The following GALNT13 variants were observed in gnomAD, a reference collection of about 807,000 sequenced individuals.
The protein encoded by GALNT13 is polypeptide N-acetylgalactosaminyltransferase 13.
Under a neutral mutation model 64.2 loss-of-function variants are expected in GALNT13, and 28 were observed. The observed-to-expected ratio is 0.44, with a 90% CI of 0.32 to 0.60. The LOEUF (loss-of-function observed/expected upper bound fraction) is 0.60, where lower values mean the gene tolerates loss of function less well. Among genes scored for constraint, GALNT13 ranks in the 20% least tolerant of loss-of-function variants. The pLI is 0.05. For missense variants in GALNT13, 577 were observed against 669.8 expected (o/e 0.86, Z 1.53); for synonymous variants, 214 against 224.6 (o/e 0.95, Z 0.42).
chr2:153,559,156 C>T, the GALNT13 span, among the ~76,000 whole-genome samples: 4 of 152,086 alleles, frequency 2.6e-5, no homozygotes, highest in Non-Finnish European at 4.4e-5. Flanking sequence ...ATATAAGCAT[C>T]ATTATAATAG....
At chr2:154,189,142 T>G (rs1686423991) in intron 4 of GALNT13, among the ~76,000 whole-genome samples, 1 of 152,126 alleles carries the variant, frequency 6.6e-6, no homozygotes, top group Admixed American at 6.5e-5. Context: ...CAGACTAGTG[T>G]ATAGAGATGG....
At chr2:154,418,461 G>A (rs906643300) in intron 11 of GALNT13, among the ~76,000 whole-genome samples, 2 of 152,160 alleles carry the variant, frequency 1.3e-5, no homozygotes, top group African/African-American at 4.8e-5. Context: ...GAAGCAGAGG[G>A]AGAAGAAAAG....
chr2:153,411,201 A>G, the GALNT13 span, among the ~76,000 whole-genome samples: 1 of 149,632 alleles, frequency 6.7e-6, no homozygotes, highest in Admixed American at 6.7e-5. Flanking sequence ...TCCTAAACTG[A>G]AGAGTAATAC....
the GALNT13 span, among the ~76,000 whole-genome samples, chr2:153,546,462 T>A: frequency 3.9e-5 from 6 of 152,186 alleles, no homozygotes; most frequent in African/African-American, 1.4e-4. Flanking sequence ...GCATATATTG[T>A]ATTTGAGACA....
chr2:153,378,900 A>G, the GALNT13 span, among the ~76,000 whole-genome samples: 1 of 152,114 alleles, frequency 6.6e-6, no homozygotes, highest in Non-Finnish European at 1.5e-5. Context: ...GACTATAGGC[A>G]CTAATTAATT....
chr2:154,246,199 T>C (rs1412755558), intron 7 of GALNT13, among the ~76,000 whole-genome samples: 4 of 152,164 alleles, frequency 2.6e-5, no homozygotes. Context: ...AAATGCTAAA[T>C]ATCTTTTGAA....
intron 4 of GALNT13, among the ~76,000 whole-genome samples, chr2:154,157,246 G>T (rs560306695): frequency 2.0e-5 from 3 of 152,014 alleles, no homozygotes; most frequent in Non-Finnish European, 4.4e-5. Flanking sequence ...TGAATTTGTA[G>T]CCCTTTACTC....
chr2:154,332,149 C>A (rs1476129155), intron 9 of GALNT13, among the ~76,000 whole-genome samples: 1 of 152,136 alleles, frequency 6.6e-6, no homozygotes, highest in East Asian at 1.9e-4. Context: ...ACCCTTATGA[C>A]CTTGTCTTTT....
chr2:153,289,547 C>T, the GALNT13 span, among the ~76,000 whole-genome samples: 1 of 152,106 alleles, frequency 6.6e-6, no homozygotes, highest in African/African-American at 2.4e-5. Context: ...TACTGCTTTC[C>T]TTGGTGAGTT....
At chr2:154,075,941 A>G (rs766246164) in intron 3 of GALNT13, among the ~76,000 whole-genome samples, 13 of 151,668 alleles carry the variant, frequency 8.6e-5, no homozygotes, top group Non-Finnish European at 1.0e-4. Context: ...ATTTATATTG[A>G]CACATTTATT....
chr2:153,244,716 A>C, the GALNT13 span, among the ~76,000 whole-genome samples: 1 of 152,200 alleles, frequency 6.6e-6, no homozygotes, highest in Admixed American at 6.5e-5. Context: ...ACAGCCACCC[A>C]GTTTTGTGCT....
At chr2:153,911,982 A>G (rs1036290255) in intron 2 of GALNT13, among the ~76,000 whole-genome samples, 22 of 152,146 alleles carry the variant, frequency 1.4e-4, no homozygotes, top group African/African-American at 5.1e-4. Flanking sequence ...CTTATGGATG[A>G]TAACCTGAAT....
At position 154,245,993 on chromosome 2, in the gene GALNT13, C is replaced by A. The variant is rs1218244165; in HGVS notation, c.857+11C>A. The A allele has an allele frequency of 2.5e-6, 4 of 1,595,282 alleles. No individual in the cohort carries two copies. Among genetic ancestry groups the A allele is most frequent in the East Asian group, 2.2e-5 (1 of 44,618 alleles). On this transcript the variant is annotated intron_variant, in intron 7 of 12. Coordinates refer to ENST00000392825, the MANE Select transcript of GALNT13 (RefSeq NM_052917.4). ...AACATTACCTGTCAGGTATGTAGAT[C>A]ATATCTCTTGAAGATTATGTATATC...
chr2:153,275,112 A>C, the GALNT13 span, among the ~76,000 whole-genome samples: 2 of 152,214 alleles, frequency 1.3e-5, no homozygotes, highest in African/African-American at 4.8e-5. Flanking sequence ...GTACTGCCCC[A>C]CTTCCACAAC....
the GALNT13 span, among the ~76,000 whole-genome samples, chr2:153,720,109 G>T: frequency 2.7e-5 from 4 of 146,046 alleles, no homozygotes; most frequent in Non-Finnish European, 6.1e-5. Flanking sequence ...CGCAGCTGGA[G>T]ATCTGAGAAC....
At chr2:153,542,335 CAAACAAACAA>C in the GALNT13 span, among the ~76,000 whole-genome samples, 1 of 104,378 alleles carries the variant, frequency 9.6e-6, no homozygotes, top group African/African-American at 6.0e-5. Flanking sequence ...AACAAACAAA[CAAACAAACAA>C]ACACACACAC....
At chr2:153,796,699 A>G in the GALNT13 span, among the ~76,000 whole-genome samples, 44 of 152,324 alleles carry the variant, frequency 2.9e-4, 1 homozygote, top group South Asian at 7.5e-3. Flanking sequence ...CTCTGTTTCT[A>G]ATGTAGTAAA....
the GALNT13 span, among the ~76,000 whole-genome samples, chr2:153,121,736 G>A: frequency 6.6e-6 from 1 of 152,068 alleles, no homozygotes; most frequent in Non-Finnish European, 1.5e-5. Context: ...GTTTCACCAT[G>A]TTGGCCAGGA....
chr2:153,347,668 G>A, the GALNT13 span, among the ~76,000 whole-genome samples: 3 of 152,104 alleles, frequency 2.0e-5, no homozygotes, highest in Non-Finnish European at 4.4e-5. Flanking sequence ...ATTTAGTAGA[G>A]GAAATAGGAG....
Sources: gnomAD v4.1 joint callset for allele counts (sites outside exome capture counted in the v4.1 genomes callset) on GRCh38, gnomAD v4.1.1 for gene constraint, MANE v1.5 for transcripts, NCBI Gene and HGNC (gene_info 2026-07-23, HGNC 2026-07-21) for gene names.